Variants in TMC1 observed in about 807,000 individuals in gnomAD.
The protein encoded by TMC1 is transmembrane channel like 1, also known as transmembrane channel-like protein 1.
In TMC1, 84 loss-of-function variants were observed where a neutral mutation model predicts 105.8. That is an observed-to-expected ratio of 0.79 (90% CI 0.67 to 0.95). The LOEUF (loss-of-function observed/expected upper bound fraction) is 0.95, where lower values mean the gene tolerates loss of function less well. Ranked by LOEUF, TMC1 falls within the 40% of genes least tolerant of loss-of-function variation. The pLI is 0.00. For synonymous variants in TMC1, 315 were observed against 311.5 expected (o/e 1.01, Z -0.12); for missense variants, 817 against 914.1 (o/e 0.89, Z 1.37).
rs568936278 is a variant in TMC1 at position 72,755,917 on chromosome 9, C to T, written c.741+1033C>T. On this transcript the variant is annotated intron_variant, in intron 12 of 23. Coordinates refer to ENST00000297784, the MANE Select transcript of TMC1 (RefSeq NM_138691.3). ...CATCTTTTCAGCCCGTAATCTAGTC[C>T]TCATCCACTACAGGCTAAATGAATC... 6.9e-4 allele frequency among the ~76,000 whole-genome samples: 105 copies of T among 152,286 alleles called. 1 individual carries two copies. The highest frequency in any genetic ancestry group is 6.3e-4 in the Non-Finnish European group (43 of 68,014).
intron 5 of TMC1, among the ~76,000 whole-genome samples, chr9:72,668,287 G>T (rs572483800): frequency 4.1e-4 from 63 of 152,248 alleles, no homozygotes; most frequent in African/African-American, 1.5e-3. Context: ...AGGTTAAAAA[G>T]TTGTCTGGTC....
chr9:72,752,565 G>A (rs1206215145), intron 11 of TMC1, among the ~76,000 whole-genome samples: 2 of 152,042 alleles, frequency 1.3e-5, no homozygotes, highest in South Asian at 2.1e-4. Context: ...AGAAGACAAA[G>A]CCCTGAGCTA....
At chr9:72,555,121 C>T (rs1823908288) in intron 1 of TMC1, among the ~76,000 whole-genome samples, 1 of 151,832 alleles carries the variant, frequency 6.6e-6, no homozygotes, top group South Asian at 2.1e-4. Context: ...TCAAGTGATC[C>T]ACCCGCCTCG....
intron 1 of TMC1, among the ~76,000 whole-genome samples, chr9:72,523,323 G>A (rs529560782): frequency 6.6e-6 from 1 of 152,172 alleles, no homozygotes; most frequent in East Asian, 1.9e-4. Flanking sequence ...GAACAACTTG[G>A]GGTTTAGGGA....
At chr9:72,625,969 CT>C (rs1055813690) in intron 3 of TMC1, among the ~76,000 whole-genome samples, 1 of 152,082 alleles carries the variant, frequency 6.6e-6, no homozygotes, top group Non-Finnish European at 1.5e-5. Context: ...ATATGAGAGG[CT>C]GATATTTTCT....
chr9:72,655,736 C>T lies in TMC1; in HGVS notation c.16+7072C>T, dbSNP rs72733008. 50 of 435,860 alleles carry T rather than the reference C, an allele frequency of 1.1e-4. No individual in the cohort carries two copies. The Middle Eastern group carries it at 2.5e-3, about 22-fold the overall frequency. The allele number at this position is 435,860 out of a possible 1,614,324, so 27.0% of individuals were successfully genotyped here. A position where few individuals can be genotyped will look rare whatever the true frequency, so the allele number is the denominator to read the frequency against. On this transcript the variant is annotated intron_variant, in intron 5 of 23. Transcript: ENST00000297784. ...CAGCCCGGGCGACAGACCGAGAATC[C>T]GTATCAAAAAAAAAAAATCATTCAA... is the stretch of plus-strand genomic sequence containing the variant.
At chr9:72,635,086 G>A (rs751333337) in intron 4 of TMC1, among the ~76,000 whole-genome samples, 3 of 151,820 alleles carry the variant, frequency 2.0e-5, no homozygotes, top group African/African-American at 4.8e-5. Flanking sequence ...GCGAAACCCC[G>A]TCTTTACTAA....
At chr9:72,677,637 AT>A (rs1250690083) in intron 5 of TMC1, among the ~76,000 whole-genome samples, 1 of 152,178 alleles carries the variant, frequency 6.6e-6, no homozygotes, top group African/African-American at 2.4e-5. Flanking sequence ...TCCTTAGACT[AT>A]GACTCAGATA....
intron 8 of TMC1, among the ~76,000 whole-genome samples, chr9:72,738,892 G>A (rs535978834): frequency 6.6e-6 from 1 of 152,168 alleles, no homozygotes; most frequent in South Asian, 2.1e-4. Flanking sequence ...TCATGACAGA[G>A]GCTACTCCAT....
intron 12 of TMC1, among the ~76,000 whole-genome samples, chr9:72,761,809 G>C (rs1827759998): frequency 1.3e-5 from 2 of 152,148 alleles, no homozygotes; most frequent in African/African-American, 2.4e-5. Context: ...ACATATCTCA[G>C]TTCTCTTAAG....
chr9:72,542,109 A>G (rs980149789), intron 1 of TMC1, among the ~76,000 whole-genome samples: 4 of 152,140 alleles, frequency 2.6e-5, no homozygotes, highest in Admixed American at 2.6e-4. Flanking sequence ...GGATCACTTG[A>G]GGCCAGAAGT....
intron 5 of TMC1, among the ~76,000 whole-genome samples, chr9:72,686,053 A>T (rs1243682019): frequency 6.6e-6 from 1 of 152,154 alleles, no homozygotes; most frequent in Admixed American, 6.5e-5. Context: ...ACTGTTTTTA[A>T]TTACTGAGTC....
intron 1 of TMC1, among the ~76,000 whole-genome samples, chr9:72,562,955 A>T (rs1245747592): frequency 6.6e-6 from 1 of 152,012 alleles, no homozygotes; most frequent in Non-Finnish European, 1.5e-5. Flanking sequence ...ACAGAACAAG[A>T]CTCCGTCTCA....
At chr9:72,522,589 TAGG>T (rs1356133954) in intron 1 of TMC1, among the ~76,000 whole-genome samples, 1 of 152,132 alleles carries the variant, frequency 6.6e-6, no homozygotes, top group Non-Finnish European at 1.5e-5. Flanking sequence ...GAGAACTAGA[TAGG>T]AGGAAGTGTC....
At chr9:72,566,218 A>G (rs916073317) in intron 1 of TMC1, among the ~76,000 whole-genome samples, 2 of 152,080 alleles carry the variant, frequency 1.3e-5, no homozygotes, top group Non-Finnish European at 2.9e-5. Context: ...GAGATGGGAG[A>G]TGGGAGTACT....
chr9:72,589,157 G>T (rs1054571337), intron 2 of TMC1, among the ~76,000 whole-genome samples: 40 of 152,280 alleles, frequency 2.6e-4, no homozygotes, highest in African/African-American at 8.4e-4. Context: ...AAACATCAGA[G>T]CTGCATTTGA....
intron 17 of TMC1, among the ~76,000 whole-genome samples, chr9:72,804,726 G>T (rs947361198): frequency 6.6e-6 from 1 of 152,176 alleles, no homozygotes; most frequent in South Asian, 2.1e-4. Flanking sequence ...CGTTGTGCCC[G>T]GTTTAACTTC....
At chr9:72,797,618 A>G (rs1828393724) in intron 17 of TMC1, among the ~76,000 whole-genome samples, 1 of 152,204 alleles carries the variant, frequency 6.6e-6, no homozygotes, top group South Asian at 2.1e-4. Context: ...AGCAATGGGG[A>G]AAATATTTCC....
intron 8 of TMC1, among the ~76,000 whole-genome samples, chr9:72,731,676 T>G (rs1346633440): frequency 6.6e-6 from 1 of 152,228 alleles, no homozygotes; most frequent in Non-Finnish European, 1.5e-5. Context: ...AATTCTGCAC[T>G]GCAGACGTGA....
Sources: allele counts gnomAD v4.1 joint callset (sites outside exome capture counted in the v4.1 genomes callset), GRCh38; gene constraint gnomAD v4.1.1; transcripts MANE v1.5; gene names NCBI Gene and HGNC (gene_info 2026-07-23, HGNC 2026-07-21).